The following CPHXL2 variants were observed in gnomAD, a reference collection of about 807,000 sequenced individuals.
The protein encoded by CPHXL2 is cytoplasmic polyadenylated homeobox like 2.
chr16:75,663,066 C>T, the CPHXL2 span, among the ~76,000 whole-genome samples: 51 of 152,312 alleles, frequency 3.3e-4, no homozygotes, highest in East Asian at 1.5e-3. Flanking sequence ...TCCCAAAGTG[C>T]GGGGATTACA....
the CPHXL2 span, chr16:75,661,379 C>T: frequency 7.1e-5 from 28 of 396,396 alleles, no homozygotes; most frequent in Non-Finnish European, 1.2e-4. Flanking sequence ...TGCCTTCAGA[C>T]ATTAAGGCTT....
chr16:75,668,229 A>G, the CPHXL2 span, among the ~76,000 whole-genome samples: 20 of 88,514 alleles, frequency 2.3e-4, no homozygotes, highest in Admixed American at 7.9e-4. Context: ...ATATACATAT[A>G]TATTTTTTTT....
chr16:75,669,299 G>A, the CPHXL2 span: 1 of 386,438 alleles, frequency 2.6e-6, no homozygotes, highest in East Asian at 3.7e-5. Context: ...CTGGGCGACT[G>A]GAGTGAGACC....
chr16:75,675,935 T>C, the CPHXL2 span, among the ~76,000 whole-genome samples: 3 of 151,838 alleles, frequency 2.0e-5, no homozygotes, highest in African/African-American at 7.3e-5. Flanking sequence ...TAAAATTAGC[T>C]GGGTGTGGTG....
At chr16:75,664,729 C>T in the CPHXL2 span, among the ~76,000 whole-genome samples, 4 of 151,992 alleles carry the variant, frequency 2.6e-5, no homozygotes, top group African/African-American at 9.6e-5. Context: ...GTGATTGGAT[C>T]ACAAGGACTT....
chr16:75,661,533 C>G, the CPHXL2 span, among the ~76,000 whole-genome samples: 1 of 151,904 alleles, frequency 6.6e-6, no homozygotes, highest in African/African-American at 2.4e-5. Flanking sequence ...AATCTATCTC[C>G]AACCTACTTG....
the CPHXL2 span, among the ~76,000 whole-genome samples, chr16:75,666,915 A>T: frequency 6.6e-6 from 1 of 152,188 alleles, no homozygotes; most frequent in African/African-American, 2.4e-5. Context: ...CTGGGAATCA[A>T]CTCCAAAAGG....
the CPHXL2 span, among the ~76,000 whole-genome samples, chr16:75,673,661 A>G: frequency 6.6e-6 from 1 of 152,062 alleles, no homozygotes; most frequent in African/African-American, 2.4e-5. Context: ...GGCTGATTCT[A>G]GGTCTGGGGC....
At chr16:75,663,055 C>T in the CPHXL2 span, among the ~76,000 whole-genome samples, 1 of 152,244 alleles carries the variant, frequency 6.6e-6, no homozygotes, top group Non-Finnish European at 1.5e-5. Context: ...CCGCCTCGGC[C>T]TCCCAAAGTG....
At chr16:75,663,205 A>G in the CPHXL2 span, among the ~76,000 whole-genome samples, 1 of 152,154 alleles carries the variant, frequency 6.6e-6, no homozygotes. Context: ...CTAAATTCAG[A>G]ATTGCTTTAG....
chr16:75,675,843 C>G, the CPHXL2 span, among the ~76,000 whole-genome samples: 1 of 152,244 alleles, frequency 6.6e-6, no homozygotes. Flanking sequence ...CTTTGGGAGA[C>G]CGAGGTGGGT....
At chr16:75,672,465 C>G in the CPHXL2 span, among the ~76,000 whole-genome samples, 6 of 151,964 alleles carry the variant, frequency 3.9e-5, no homozygotes, top group Admixed American at 6.6e-5. Flanking sequence ...GTGGCTCACA[C>G]CTGTAATGCC....
chr16:75,662,655 A>G, the CPHXL2 span, among the ~76,000 whole-genome samples: 1 of 152,032 alleles, frequency 6.6e-6, no homozygotes. Context: ...ATTTCATTCA[A>G]TTTGTCTAAT....
At chr16:75,673,751 G>A in the CPHXL2 span, among the ~76,000 whole-genome samples, 1 of 151,866 alleles carries the variant, frequency 6.6e-6, no homozygotes, top group Non-Finnish European at 1.5e-5. Context: ...GCCAAGCGGG[G>A]GCGAATGGCT....
chr16:75,664,150 A>G, the CPHXL2 span, among the ~76,000 whole-genome samples: 4 of 152,190 alleles, frequency 2.6e-5, no homozygotes, highest in African/African-American at 9.7e-5. Context: ...CAAGCAATGT[A>G]CATCTTACAT....
the CPHXL2 span, among the ~76,000 whole-genome samples, chr16:75,666,501 G>T: frequency 2.6e-5 from 4 of 151,646 alleles, no homozygotes; most frequent in Non-Finnish European, 5.9e-5. Context: ...CCAGCTACGT[G>T]GGAGGCTGAG....
the CPHXL2 span, among the ~76,000 whole-genome samples, chr16:75,676,373 G>C: frequency 6.6e-6 from 1 of 152,172 alleles, no homozygotes; most frequent in Non-Finnish European, 1.5e-5. Flanking sequence ...ACCCAGGCTG[G>C]AGTGCAGTGG....
chr16:75,664,865 G>A, the CPHXL2 span, among the ~76,000 whole-genome samples: 1 of 152,202 alleles, frequency 6.6e-6, no homozygotes, highest in East Asian at 1.9e-4. Context: ...CTTGCCATGT[G>A]ATACCCTGTA....
At chr16:75,667,668 G>T in the CPHXL2 span, among the ~76,000 whole-genome samples, 1 of 152,190 alleles carries the variant, frequency 6.6e-6, no homozygotes, top group Non-Finnish European at 1.5e-5. Flanking sequence ...CCAGATCCCA[G>T]GGCATTATTC....
Sources: gnomAD v4.1 joint callset for allele counts (sites outside exome capture counted in the v4.1 genomes callset) on GRCh38, gnomAD v4.1.1 for gene constraint, MANE v1.5 for transcripts, NCBI Gene and HGNC (gene_info 2026-07-23, HGNC 2026-07-21) for gene names.